Variants in GPC6 observed in about 807,000 individuals in gnomAD.
The protein encoded by GPC6 is glypican-6.
In GPC6, 14 loss-of-function variants were observed where a neutral mutation model predicts 55.2. That is an observed-to-expected ratio of 0.25 (90% CI 0.17 to 0.40). The LOEUF is 0.40. Among genes scored for constraint, GPC6 ranks in the 10% least tolerant of loss-of-function variants. The pLI is 1.00. For missense variants in GPC6, 641 were observed against 708.5 expected, an observed-to-expected ratio of 0.90 and a Z score of 1.08; for synonymous variants, 278 against 259.6, an observed-to-expected ratio of 1.07 and a Z score of -0.68.
rs184045650 is a variant in GPC6, at chr13:93,816,542, T to A, written c.320-13612T>A. 2.1e-3 allele frequency among the ~76,000 whole-genome samples: 323 copies of A among 151,906 alleles called. 2 individuals are homozygous for A. The highest frequency in any genetic ancestry group is 2.1e-3 in the South Asian group (10 of 4,808). On this transcript the variant is annotated intron_variant, in intron 2 of 8. Coordinates refer to ENST00000377047, the MANE Select transcript of GPC6 (RefSeq NM_005708.5). Reference sequence around the variant, plus strand: ...TCTTTATGCTTTTTTTTTTTTCAGCTTGATTCTTGGATTCTCCATGGTAGA... The same window carrying A: ...TCTTTATGCTTTTTTTTTTTTCAGCATGATTCTTGGATTCTCCATGGTAGA...
At chr13:93,873,623 A>G (rs997387478) in intron 3 of GPC6, among the ~76,000 whole-genome samples, 1 of 151,908 alleles carries the variant, frequency 6.6e-6, no homozygotes, top group African/African-American at 2.4e-5. Context: ...ACCTGTCAAT[A>G]GTGCACACTT....
At chr13:93,940,816 G>A (rs1481444229) in intron 3 of GPC6, among the ~76,000 whole-genome samples, 3 of 152,094 alleles carry the variant, frequency 2.0e-5, no homozygotes, top group African/African-American at 7.2e-5. Context: ...AAATATTTAT[G>A]GAGGAAATAA....
chr13:93,853,170 A>G (rs2139015210), intron 3 of GPC6, among the ~76,000 whole-genome samples: 1 of 151,798 alleles, frequency 6.6e-6, no homozygotes, highest in South Asian at 2.1e-4. Context: ...AATGGTGGGG[A>G]TAATTTTAAA....
chr13:94,126,532 T>C (rs1309647787), intron 4 of GPC6, among the ~76,000 whole-genome samples: 1 of 152,180 alleles, frequency 6.6e-6, no homozygotes, highest in African/African-American at 2.4e-5. Flanking sequence ...GAACTGCCAA[T>C]TTGTTTTCAA....
At chr13:93,997,264 C>G (rs937587066) in intron 3 of GPC6, among the ~76,000 whole-genome samples, 16 of 152,108 alleles carry the variant, frequency 1.1e-4, no homozygotes, top group African/African-American at 3.9e-4. Flanking sequence ...CTGTGCCTTT[C>G]ACGTACAAAA....
At chr13:94,002,176 A>G (rs899276399) in intron 3 of GPC6, among the ~76,000 whole-genome samples, 1 of 152,030 alleles carries the variant, frequency 6.6e-6, no homozygotes, top group Non-Finnish European at 1.5e-5. Context: ...AAGAATTTAC[A>G]ACTTTTCTAA....
At chr13:93,995,010 T>C (rs963195308) in intron 3 of GPC6, among the ~76,000 whole-genome samples, 2 of 152,102 alleles carry the variant, frequency 1.3e-5, no homozygotes, top group Non-Finnish European at 2.9e-5. Flanking sequence ...TATACCTGTT[T>C]TTGCCTGATT....
intron 4 of GPC6, among the ~76,000 whole-genome samples, chr13:94,190,096 G>A (rs1889338653): frequency 6.6e-6 from 1 of 151,810 alleles, no homozygotes; most frequent in Non-Finnish European, 1.5e-5. Context: ...GGCCAAGGGG[G>A]GCAGATCACC....
chr13:94,077,072 A>G (rs973839635), intron 4 of GPC6, among the ~76,000 whole-genome samples: 2 of 150,422 alleles, frequency 1.3e-5, no homozygotes, highest in Non-Finnish European at 3.0e-5. Flanking sequence ...TTTGGGTACT[A>G]TGGACATTAG....
intron 6 of GPC6, among the ~76,000 whole-genome samples, chr13:94,371,405 C>A (rs940356270): frequency 6.6e-6 from 1 of 152,066 alleles, no homozygotes; most frequent in South Asian, 2.1e-4. Flanking sequence ...CATAGTAAGC[C>A]TAGTGGTTAA....
chr13:94,058,839 A>G (rs1462036185), intron 4 of GPC6, among the ~76,000 whole-genome samples: 1 of 152,200 alleles, frequency 6.6e-6, no homozygotes, highest in Non-Finnish European at 1.5e-5. Context: ...GATAAGTTAG[A>G]AGCAGATACG....
At chr13:93,637,967 G>A (rs1566462259) in intron 2 of GPC6, among the ~76,000 whole-genome samples, 1 of 152,060 alleles carries the variant, frequency 6.6e-6, no homozygotes, top group Non-Finnish European at 1.5e-5. Context: ...ATGCAAGATG[G>A]AGTACTCACC....
intron 3 of GPC6, among the ~76,000 whole-genome samples, chr13:93,841,863 T>C (rs1373476224): frequency 6.6e-6 from 1 of 152,212 alleles, no homozygotes; most frequent in Non-Finnish European, 1.5e-5. Context: ...TCAACTTTTC[T>C]ATGTTAATTT....
intron 1 of GPC6, among the ~76,000 whole-genome samples, chr13:93,471,103 C>T (rs117926789): frequency 0.049 from 7,385 of 151,930 alleles, 249 homozygotes; most frequent in South Asian, 0.11. Flanking sequence ...TTTTTCAATT[C>T]CATTGATTTT....
chr13:93,615,867 A>G (rs985178880), intron 2 of GPC6, among the ~76,000 whole-genome samples: 11 of 152,124 alleles, frequency 7.2e-5, no homozygotes, highest in African/African-American at 2.4e-4. Context: ...TGTCTGTTGC[A>G]ATGACTACAT....
chr13:93,332,564 G>A (rs1163754432), intron 1 of GPC6, among the ~76,000 whole-genome samples: 1 of 151,926 alleles, frequency 6.6e-6, no homozygotes, highest in Non-Finnish European at 1.5e-5. Context: ...GAGTATTTAT[G>A]TTTTTGCTAT....
At position 93,606,723 on chromosome 13, in the gene GPC6, A is replaced by G. The variant is rs532618707; in HGVS notation, c.319+61302A>G. Among the ~76,000 whole-genome samples the G allele has an allele frequency of 3.9e-5, 6 of 152,348 alleles. No individual in the cohort carries two copies. In the South Asian group the frequency reaches 1.2e-3, roughly 32 times the overall value. On this transcript the variant is annotated intron_variant, in intron 2 of 8. Coordinates refer to ENST00000377047, the MANE Select transcript of GPC6 (RefSeq NM_005708.5). ...GGATAGGAAGATCAACTAGATGTAC[A>G]TCATTACATCTATAATATGTAATCT...
intron 2 of GPC6, among the ~76,000 whole-genome samples, chr13:93,659,926 A>G (rs1435114360): frequency 6.6e-6 from 1 of 152,078 alleles, no homozygotes; most frequent in African/African-American, 2.4e-5. Flanking sequence ...ATATATGTAT[A>G]TTTAACAATG....
intron 2 of GPC6, among the ~76,000 whole-genome samples, chr13:93,570,425 C>T (rs750395267): frequency 2.0e-5 from 3 of 152,020 alleles, no homozygotes; most frequent in Non-Finnish European, 4.4e-5. Context: ...AGCATTATGG[C>T]ACAGATGTTT....
Sources: gnomAD v4.1 joint callset for allele counts (sites outside exome capture counted in the v4.1 genomes callset) on GRCh38, gnomAD v4.1.1 for gene constraint, MANE v1.5 for transcripts, NCBI Gene and HGNC (gene_info 2026-07-23, HGNC 2026-07-21) for gene names.